Variants in TAFA5 observed in about 807,000 individuals in gnomAD.
TAFA5 encodes the protein TAFA chemokine like family member 5.
A neutral mutation model predicts 15.3 loss-of-function variants in TAFA5; 6 were observed. The observed-to-expected ratio is 0.39, with a 90% confidence interval of 0.21 to 0.77. The LOEUF is 0.77. TAFA5 is among the 30% of genes least tolerant of loss of function. The pLI, the probability that TAFA5 is intolerant of heterozygous loss-of-function variation, is 0.41. For synonymous variants in TAFA5, 103 were observed against 80.7 expected, an observed-to-expected ratio of 1.28 and a Z score of -1.48; for missense variants, 161 against 193.1, an observed-to-expected ratio of 0.83 and a Z score of 0.98.
intron 1 of TAFA5, among the ~76,000 whole-genome samples, chr22:48,611,721 C>T (rs1429953707): frequency 6.6e-6 from 1 of 152,208 alleles, no homozygotes; most frequent in African/African-American, 2.4e-5. Flanking sequence ...ACCCCTCTTC[C>T]TTCCACCTCC....
At chr22:48,681,192 C>G (rs1019929659) in intron 2 of TAFA5, among the ~76,000 whole-genome samples, 9 of 152,148 alleles carry the variant, frequency 5.9e-5, no homozygotes, top group African/African-American at 2.2e-4. Flanking sequence ...AGAGGCAGCC[C>G]CTGCCCATCG....
intron 1 of TAFA5, among the ~76,000 whole-genome samples, chr22:48,634,757 T>C (rs1601631393): frequency 1.7e-5 from 1 of 57,736 alleles, no homozygotes; most frequent in Non-Finnish European, 2.9e-5. Flanking sequence ...ATTCATTCAC[T>C]CAGTCACTCA....
At chr22:48,654,892 A>G (rs2098335226) in intron 2 of TAFA5, among the ~76,000 whole-genome samples, 1 of 151,962 alleles carries the variant, frequency 6.6e-6, no homozygotes, top group African/African-American at 2.4e-5. Context: ...TTATCCCCAC[A>G]GTCATTTCAG....
chr22:48,496,370 G>A (rs1928324194), intron 1 of TAFA5, among the ~76,000 whole-genome samples: 1 of 151,890 alleles, frequency 6.6e-6, no homozygotes, highest in Admixed American at 6.6e-5. Context: ...GGGACTGACT[G>A]TGGGCTCTCT....
intron 1 of TAFA5, among the ~76,000 whole-genome samples, chr22:48,521,232 A>ACAGGCTCATCTGGGCC (rs1921590421): frequency 6.6e-6 from 1 of 152,110 alleles, no homozygotes; most frequent in Non-Finnish European, 1.5e-5. Flanking sequence ...TCATCTGGGC[A>ACAGGCTCATCTGGGCC]CTTTTAAAAA....
intron 1 of TAFA5, among the ~76,000 whole-genome samples, chr22:48,580,116 G>A (rs1024387333): frequency 2.6e-5 from 4 of 152,218 alleles, no homozygotes; most frequent in Non-Finnish European, 4.4e-5. Context: ...CCGCTGTGGC[G>A]TGCCTGTCTT....
chr22:48,514,065 C>T (rs548409962), intron 1 of TAFA5, among the ~76,000 whole-genome samples: 6 of 152,144 alleles, frequency 3.9e-5, no homozygotes, highest in Admixed American at 6.5e-5. Context: ...CCAAGCACTT[C>T]GAGGCTGTGA....
At chr22:48,718,225 T>C (rs1929461822) in intron 3 of TAFA5, among the ~76,000 whole-genome samples, 1 of 152,136 alleles carries the variant, frequency 6.6e-6, no homozygotes, top group South Asian at 2.1e-4. Flanking sequence ...GGGATGCCCA[T>C]GGCCACTTCC....
At chr22:48,642,086 G>A (rs1926703583) in intron 1 of TAFA5, among the ~76,000 whole-genome samples, 1 of 152,070 alleles carries the variant, frequency 6.6e-6, no homozygotes. Flanking sequence ...ACTTTTCTGA[G>A]GGGGGCAGCC....
At chr22:48,664,985 C>T (rs898934336) in intron 2 of TAFA5, among the ~76,000 whole-genome samples, 13 of 152,136 alleles carry the variant, frequency 8.5e-5, no homozygotes, top group South Asian at 2.1e-4. Flanking sequence ...GACCTAGCCA[C>T]GGTAGGCCCT....
At chr22:48,535,056 C>T (rs1922107033) in intron 1 of TAFA5, among the ~76,000 whole-genome samples, 1 of 152,152 alleles carries the variant, frequency 6.6e-6, no homozygotes, top group African/African-American at 2.4e-5. Context: ...CACCTCTCCC[C>T]AGCCTTGGGC....
At chr22:48,534,137 G>A (rs188571333) in intron 1 of TAFA5, among the ~76,000 whole-genome samples, 1 of 151,846 alleles carries the variant, frequency 6.6e-6, no homozygotes, top group African/African-American at 2.4e-5. Context: ...TGACAGGCAG[G>A]TGAGGGAGGT....
chr22:48,614,064 G>C (rs553757833), intron 1 of TAFA5, among the ~76,000 whole-genome samples: 40 of 152,320 alleles, frequency 2.6e-4, no homozygotes, highest in African/African-American at 9.4e-4. Context: ...CTTGCGAAGC[G>C]GTCCTGACCT....
chr22:48,494,301 A>C (rs773404161), intron 1 of TAFA5, among the ~76,000 whole-genome samples: 2 of 152,236 alleles, frequency 1.3e-5, no homozygotes, highest in Non-Finnish European at 2.9e-5. Context: ...CCGATTTAGA[A>C]GGGCTCCTTT....
rs1015961511 is a variant in TAFA5 at position 48,750,914 on chromosome 22, G to C, written c.*1067G>C. On this transcript the variant is annotated 3_prime_UTR_variant, in exon 4 of 4. Transcript: ENST00000402357. ...GCAGTCCCGGCCGTCCTGAGAGTCG[G>C]GCCGAGCCCCGTGTGTTTCTGAAGA... 1.3e-5 allele frequency: 2 copies of C among 152,562 alleles called. No homozygotes were observed. The highest frequency in any genetic ancestry group is 1.3e-4 in the Admixed American group (2 of 15,310). The allele number at this position is 152,562 out of a possible 1,614,324, so 9.5% of individuals were successfully genotyped here.
intron 1 of TAFA5, among the ~76,000 whole-genome samples, chr22:48,572,719 C>T (rs893024256): frequency 2.6e-5 from 4 of 152,118 alleles, no homozygotes; most frequent in Non-Finnish European, 5.9e-5. Flanking sequence ...ATGCAGTTAG[C>T]AAATGGTAAA....
At chr22:48,522,427 C>T (rs1398231009) in intron 1 of TAFA5, among the ~76,000 whole-genome samples, 1 of 152,148 alleles carries the variant, frequency 6.6e-6, no homozygotes, top group African/African-American at 2.4e-5. Flanking sequence ...GGCCCCAGGG[C>T]TTGGCTCTGT....
At chr22:48,635,436 G>A (rs1230513339) in intron 1 of TAFA5, among the ~76,000 whole-genome samples, 4 of 152,204 alleles carry the variant, frequency 2.6e-5, no homozygotes, top group East Asian at 3.9e-4. Flanking sequence ...TCTAGCAACC[G>A]TCTCCCAGTC....
chr22:48,719,505 G>A lies in TAFA5; in HGVS notation c.390+11661G>A, dbSNP rs377508201. On this transcript the variant is annotated intron_variant, in intron 3 of 3. Coordinates refer to ENST00000402357, the MANE Select transcript of TAFA5 (RefSeq NM_001082967.3). The stretch of plus-strand genomic sequence containing the variant: ...AAGGATCGTGAAGGAAGAGGAGAGA[G>A]AAGGACATTCCCTACCCTCTCACCA... Among the ~76,000 whole-genome samples the A allele has an allele frequency of 1.1e-4, 16 of 152,310 alleles. 1 individual carries two copies. In the South Asian group the frequency reaches 3.1e-3, roughly 30 times the overall value.
Sources: gnomAD v4.1 joint callset for allele counts (sites outside exome capture counted in the v4.1 genomes callset) on GRCh38, gnomAD v4.1.1 for gene constraint, MANE v1.5 for transcripts, NCBI Gene and HGNC (gene_info 2026-07-23, HGNC 2026-07-21) for gene names.